GRIK4: variants seen among roughly 807,000 people sequenced by gnomAD.
GRIK4 encodes glutamate receptor ionotropic, kainate 4.
A neutral mutation model predicts 104.9 loss-of-function variants in GRIK4; 40 were observed. The observed-to-expected ratio is 0.38, with a 90% CI of 0.30 to 0.50. The LOEUF (loss-of-function observed/expected upper bound fraction) is 0.50. GRIK4 is among the 20% of genes least tolerant of loss of function. The pLI is 0.93. For missense variants in GRIK4, 1,047 were observed against 1,308.1 expected, an observed-to-expected ratio of 0.80 and a Z score of 3.08; for synonymous variants, 485 against 524.9, an observed-to-expected ratio of 0.92 and a Z score of 1.04.
chr11:120,982,335 A>G, intron 20 of GRIK4, 111 bp downstream of exon 20: 1 of 709,998 alleles, frequency 1.4e-6, no homozygotes, highest in Admixed American at 2.0e-5. Flanking sequence ...TGCAGCAAAG[A>G]GAATCCCAGT....
At chr11:120,913,770 G>A (rs1943048008) in intron 13 of GRIK4, among the ~76,000 whole-genome samples, 1 of 151,442 alleles carries the variant, frequency 6.6e-6, no homozygotes, top group African/African-American at 2.4e-5. Context: ...AAAGGATTGT[G>A]GAGGGAGCTT....
At chr11:120,613,898 A>G (rs1449517344) in intron 1 of GRIK4, among the ~76,000 whole-genome samples, 3 of 152,196 alleles carry the variant, frequency 2.0e-5, no homozygotes, top group Non-Finnish European at 4.4e-5. Flanking sequence ...TGCCAGCCCT[A>G]CTATAGCCTA....
Position 120,915,379 on chromosome 11 carries a change from C to T in GRIK4, c.1476+9886C>T, listed in dbSNP as rs750747821. Among the ~76,000 whole-genome samples, 14 of 152,188 alleles carry T rather than the reference C, an allele frequency of 9.2e-5. No individual in the cohort carries two copies. The East Asian group carries it at 2.7e-3, about 29-fold the overall frequency. On this transcript the variant is annotated intron_variant, in intron 13 of 20. Coordinates refer to ENST00000527524, the MANE Select transcript of GRIK4 (RefSeq NM_014619.5). ...GAGAAAAGGGCAATAATGGCAGTTT[C>T]GTGACTGCAGCCGCCCTTTTTTTCT...
chr11:120,871,772 G>C lies in GRIK4; in HGVS notation c.907-2294G>C, dbSNP rs1005394312. Reference sequence around the variant, plus strand: ...AAGTGGGAATAAAGCAAAGAAGCAAGGCAAGGAGGAGAAGCAGCAGCAAGA... The same window carrying C: ...AAGTGGGAATAAAGCAAAGAAGCAACGCAAGGAGGAGAAGCAGCAGCAAGA... On this transcript the variant is annotated intron_variant, in intron 9 of 20. Coordinates refer to ENST00000527524, the MANE Select transcript of GRIK4 (RefSeq NM_014619.5). 4 of 456,276 alleles carry C rather than the reference G, an allele frequency of 8.8e-6. No individual in the cohort carries two copies. In the Admixed American group the frequency reaches 9.4e-5, roughly 11 times the overall value. The allele number at this position is 456,276 out of a possible 1,614,324, so 28.3% of individuals were successfully genotyped here.
At chr11:120,796,497 G>A (rs1952519810) in intron 3 of GRIK4, among the ~76,000 whole-genome samples, 1 of 152,128 alleles carries the variant, frequency 6.6e-6, no homozygotes, top group East Asian at 1.9e-4. Context: ...TTTGAGTGGT[G>A]GGAGTTTCTC....
At position 120,819,044 on chromosome 11, in the gene GRIK4, G is replaced by A. The variant is rs1484857991; in HGVS notation, c.346-711G>A. 6.6e-6 allele frequency among the ~76,000 whole-genome samples: 1 copy of A among 152,248 alleles called. No homozygotes were observed. Among genetic ancestry groups the A allele is most frequent in the African/African-American group, 2.4e-5 (1 of 41,468 alleles). ...GAGAAGAGAGGCAGAAGGCAGGACA[G>A]TGGGTCCTGGAAATGTCAGTAATAG... On this transcript the variant is annotated intron_variant, in intron 5 of 20. Transcript: ENST00000527524. The surrounding 1 kb of genome is among the most constrained non-coding windows in gnomAD (Gnocchi z 4.3).
rs142960608 is a variant in GRIK4, at chr11:120,672,391, G to C, written c.82+11991G>C. On this transcript the variant is annotated intron_variant, in intron 3 of 20. Transcript: ENST00000527524. ...GGATTGCACCACTGCACTCCAGCCT[G>C]GTCAACAAGAGTGAAACTCTGTCTT... 5.4e-3 allele frequency among the ~76,000 whole-genome samples: 819 copies of C among 152,098 alleles called. 6 individuals carry two copies. The highest frequency in any genetic ancestry group is 0.019 in the African/African-American group (802 of 41,484).
intron 1 of GRIK4, among the ~76,000 whole-genome samples, chr11:120,649,137 T>C (rs1949582661): frequency 6.6e-6 from 1 of 151,892 alleles, no homozygotes; most frequent in African/African-American, 2.4e-5. Flanking sequence ...GTGGCATAGG[T>C]CTCCGAACCT....
chr11:120,741,048 C>T (rs1292863244), intron 3 of GRIK4, among the ~76,000 whole-genome samples: 3 of 152,206 alleles, frequency 2.0e-5, no homozygotes, highest in African/African-American at 7.2e-5. Flanking sequence ...TTTCTGGCAC[C>T]TGCTCCAGAA....
At chr11:120,970,588 A>G (rs530746494) in intron 19 of GRIK4, among the ~76,000 whole-genome samples, 1 of 151,582 alleles carries the variant, frequency 6.6e-6, no homozygotes, top group East Asian at 1.9e-4. Context: ...ATGTGTATTG[A>G]TTTGCATCTC....
chr11:120,790,321 A>G (rs1952369660), intron 3 of GRIK4, among the ~76,000 whole-genome samples: 1 of 152,240 alleles, frequency 6.6e-6, no homozygotes, highest in Non-Finnish European at 1.5e-5. Context: ...ATTAGAAAGC[A>G]AACGATTAAG....
At chr11:120,863,798 G>C (rs1954322619) in intron 9 of GRIK4, among the ~76,000 whole-genome samples, 1 of 152,228 alleles carries the variant, frequency 6.6e-6, no homozygotes, top group Non-Finnish European at 1.5e-5. Context: ...CCAGGGCCTG[G>C]ACTTAATGAC....
At position 120,660,345 on chromosome 11, in the gene GRIK4, G is replaced by T; in HGVS notation, c.27G>T (p.Val9=). ...TGCCCCGCGTCTCGGCGCCTTTGGT[G>T]CTGCTTCCTGCGTGGCTCGTGATGG... The part of the protein sequence containing the change: MPRVSAPL[V]LLPAWLVMVA... Residue 9 remains valine, a synonymous_variant, in exon 3 of 21, where the codon GTG becomes GTT. Coordinates refer to ENST00000527524, the MANE Select transcript of GRIK4 (RefSeq NM_014619.5). The T allele has an allele frequency of 6.2e-7, 1 of 1,613,398 alleles. No individual in the cohort carries two copies. Among genetic ancestry groups the T allele is most frequent in the Non-Finnish European group, 8.5e-7 (1 of 1,179,966 alleles).
In GRIK4 at chr11:120,905,189, C is replaced by T; in HGVS notation, c.1273-101C>T. 1 of 836,500 alleles carries T rather than the reference C, an allele frequency of 1.2e-6. No individual in the cohort carries two copies. The highest frequency in any genetic ancestry group is 2.1e-6 in the Non-Finnish European group (1 of 487,238). 51.8% of individuals were successfully genotyped at this position (836,500 alleles called of 1,614,324 possible). On this transcript the variant is annotated intron_variant, in intron 12 of 20. Coordinates refer to ENST00000527524, the MANE Select transcript of GRIK4 (RefSeq NM_014619.5). This position sits in a 1 kb window ranked among gnomAD's most constrained non-coding sequence, Gnocchi z 5.1. ...CCCACGTCAGTTTCCTCCTTCTGCC[C>T]CATGTCCTCCCCGACCCTCTGTGCC...
At chr11:120,941,803 G>T (rs1396578779) in intron 14 of GRIK4, among the ~76,000 whole-genome samples, 1 of 152,062 alleles carries the variant, frequency 6.6e-6, no homozygotes, top group Non-Finnish European at 1.5e-5. Context: ...AGTCTGCAGA[G>T]AGAGCCTGGC....
intron 1 of GRIK4, among the ~76,000 whole-genome samples, chr11:120,534,894 C>A (rs1463840900): frequency 3.3e-5 from 5 of 152,152 alleles, no homozygotes; most frequent in African/African-American, 1.2e-4. Context: ...GGGTGACCAA[C>A]CATCCTGGTT....
rs768115526 is a variant in GRIK4, at chr11:120,960,926, T to C, written c.1892T>C (p.Ile631Thr). 1.2e-6 allele frequency: 2 copies of C among 1,613,614 alleles called. No homozygotes were observed. Among genetic ancestry groups the C allele is most frequent in the South Asian group, 1.1e-5 (1 of 90,956 alleles). ...VSGVWWAFTL[I>T]IISSYTANLA... Reference sequence around the variant, plus strand: ...CTACATAGGTGGGCATTCACGCTGATCATCATCTCATCCTACACGGCCAAC... The same window carrying C: ...CTACATAGGTGGGCATTCACGCTGACCATCATCTCATCCTACACGGCCAAC... The change falls in exon 17 of 21, where the codon ATC becomes ACC. Residue 631 changes from isoleucine (I) to threonine (T), a missense_variant. Coordinates refer to ENST00000527524, the MANE Select transcript of GRIK4 (RefSeq NM_014619.5).
At chr11:120,812,885 G>A (rs948026) in intron 4 of GRIK4, among the ~76,000 whole-genome samples, 9,904 of 152,292 alleles carry the variant, frequency 0.065, 338 homozygotes, top group Middle Eastern at 0.12. Flanking sequence ...TGAGTCAGGG[G>A]CAAAACCTGA....
At chr11:120,684,866 C>T (rs535500877) in intron 3 of GRIK4, among the ~76,000 whole-genome samples, 114 of 152,182 alleles carry the variant, frequency 7.5e-4, no homozygotes, top group Non-Finnish European at 1.4e-3. Flanking sequence ...CCCGCCACCG[C>T]GCCCGGCTAA....
Sources: allele counts gnomAD v4.1 joint callset (sites outside exome capture counted in the v4.1 genomes callset), GRCh38; gene constraint gnomAD v4.1.1; non-coding constraint Gnocchi (gnomAD v3.1); transcripts MANE v1.5; gene names NCBI Gene and HGNC (gene_info 2026-07-23, HGNC 2026-07-21).